The following NEGR1 variants were observed in gnomAD, a reference collection of about 807,000 sequenced individuals.
NEGR1 encodes the protein IgLON family member 4.
Under a neutral mutation model 40.9 loss-of-function variants are expected in NEGR1, and 10 were observed. That is an observed-to-expected ratio of 0.24 (90% CI 0.15 to 0.42). NEGR1 has a LOEUF of 0.42. Among genes scored for constraint, NEGR1 ranks in the 10% least tolerant of loss-of-function variants. The pLI is 1.00. For synonymous variants in NEGR1, 185 were observed against 166.8 expected (o/e 1.11, Z -0.84); for missense variants, 352 against 438.9 (o/e 0.80, Z 1.77).
intron 2 of NEGR1, among the ~76,000 whole-genome samples, chr1:71,825,280 T>C (rs1011218088): frequency 6.6e-6 from 1 of 151,964 alleles, no homozygotes; most frequent in African/African-American, 2.4e-5. Context: ...ACAAAGAAAT[T>C]AGATGTGGTT....
chr1:72,093,341 A>AAAAAAAAAAAAAAAAAAAAAAG (rs1179635064), intron 1 of NEGR1, among the ~76,000 whole-genome samples: 1 of 151,410 alleles, frequency 6.6e-6, no homozygotes, highest in African/African-American at 2.4e-5. Context: ...AAAAAAAAAA[A>AAAAAAAAAAAAAAAAAAAAAAG]AAGATGCTCA....
At chr1:72,256,722 T>C (rs1401659474) in intron 1 of NEGR1, among the ~76,000 whole-genome samples, 1 of 152,208 alleles carries the variant, frequency 6.6e-6, no homozygotes, top group Non-Finnish European at 1.5e-5. Context: ...TCAAATTTTG[T>C]TTACCTTATT....
intron 4 of NEGR1, among the ~76,000 whole-genome samples, chr1:71,681,954 G>A (rs1384018257): frequency 6.6e-6 from 1 of 152,088 alleles, no homozygotes; most frequent in Non-Finnish European, 1.5e-5. Flanking sequence ...AGCCTCTCAA[G>A]AAGCTGGGAT....
chr1:71,404,385 C>CATAATAGGAACTTAATGGT lies in NEGR1; in HGVS notation c.*3042_*3060dup, dbSNP rs1646264681. Reference sequence around the variant, plus strand: ...AGTACTTTTTATTATATAATTGCTGCATAATAGGAACTTAATGGTATAATA... The same window carrying CATAATAGGAACTTAATGGT: ...AGTACTTTTTATTATATAATTGCTGCATAATAGGAACTTAATGGTATAATAGGAACTTAATGGTATAATA... On this transcript the variant is annotated 3_prime_UTR_variant, in exon 7 of 7. Transcript: ENST00000357731. 6.6e-6 allele frequency: 1 copy of CATAATAGGAACTTAATGGT among 151,956 alleles called. No homozygotes were observed. The highest frequency in any genetic ancestry group is 2.1e-4 in the South Asian group (1 of 4,820). 9.4% of individuals were successfully genotyped at this position (151,956 alleles called of 1,614,324 possible).
At chr1:71,566,927 C>T (rs74088173) in intron 6 of NEGR1, among the ~76,000 whole-genome samples, 1,977 of 152,238 alleles carry the variant, frequency 0.013, 36 homozygotes, top group African/African-American at 0.045. Context: ...AACAAGCTCC[C>T]TCAGGCCTCT....
chr1:71,939,279 C>T (rs949125340), intron 1 of NEGR1, among the ~76,000 whole-genome samples: 1 of 152,100 alleles, frequency 6.6e-6, no homozygotes, highest in Non-Finnish European at 1.5e-5. Context: ...TCCCACACTC[C>T]CTTTATACAT....
In NEGR1 at chr1:72,092,492, C is replaced by T. The variant is rs142789302; in HGVS notation, c.177-157181G>A. Among the ~76,000 whole-genome samples, 1,178 of 152,132 alleles carry T rather than the reference C, an allele frequency of 7.7e-3. 21 individuals carry two copies. The highest frequency in any genetic ancestry group is 0.027 in the African/African-American group (1,130 of 41,488). On this transcript the variant is annotated intron_variant, in intron 1 of 6. Coordinates refer to ENST00000357731, the MANE Select transcript of NEGR1 (RefSeq NM_173808.3). Reference sequence around the variant, plus strand: ...AAACATGCCTTTAAAAATCATGTTGCCCTGTGATTTTCACTTATCTAGCAA... The same window carrying T: ...AAACATGCCTTTAAAAATCATGTTGTCCTGTGATTTTCACTTATCTAGCAA...
At chr1:72,150,737 A>G (rs879266639) in intron 1 of NEGR1, among the ~76,000 whole-genome samples, 1 of 152,158 alleles carries the variant, frequency 6.6e-6, no homozygotes, top group Non-Finnish European at 1.5e-5. Flanking sequence ...AGGTTTTTAA[A>G]ATATGCACAT....
intron 2 of NEGR1, among the ~76,000 whole-genome samples, chr1:71,899,837 TTTC>T (rs1476988642): frequency 6.6e-6 from 1 of 152,186 alleles, no homozygotes; most frequent in African/African-American, 2.4e-5. Context: ...GAACCATTGT[TTTC>T]TTCACCAAGT....
At chr1:71,855,101 CA>C (rs1157669956) in intron 2 of NEGR1, among the ~76,000 whole-genome samples, 8 of 152,180 alleles carry the variant, frequency 5.3e-5, no homozygotes, top group African/African-American at 1.9e-4. Context: ...AAATACTCCC[CA>C]AACAGTATCA....
At chr1:71,482,557 T>C (rs1025268766) in intron 6 of NEGR1, among the ~76,000 whole-genome samples, 1 of 151,922 alleles carries the variant, frequency 6.6e-6, no homozygotes, top group African/African-American at 2.4e-5. Context: ...TTTCCATTTT[T>C]AATTCTCATT....
chr1:71,502,302 T>G (rs1411172869), intron 6 of NEGR1, among the ~76,000 whole-genome samples: 1 of 152,098 alleles, frequency 6.6e-6, no homozygotes, highest in East Asian at 1.9e-4. Flanking sequence ...ATAATGAAAC[T>G]TAGGCAACGT....
intron 2 of NEGR1, among the ~76,000 whole-genome samples, chr1:71,780,965 CCTT>C (rs1220130668): frequency 6.6e-6 from 1 of 152,170 alleles, no homozygotes; most frequent in Non-Finnish European, 1.5e-5. Context: ...ATTCTAATGA[CCTT>C]CACACAGGCT....
chr1:71,599,943 C>T (rs1436760395), intron 5 of NEGR1, among the ~76,000 whole-genome samples: 1 of 152,100 alleles, frequency 6.6e-6, no homozygotes, highest in Non-Finnish European at 1.5e-5. Flanking sequence ...GGATTTCTCC[C>T]CACCACTTGA....
intron 1 of NEGR1, among the ~76,000 whole-genome samples, chr1:72,152,407 A>C (rs1198035480): frequency 1.3e-5 from 2 of 151,998 alleles, no homozygotes; most frequent in Non-Finnish European, 2.9e-5. Flanking sequence ...AAGAAATACA[A>C]ATCAAAACCA....
chr1:71,702,006 T>C (rs1456608636), intron 3 of NEGR1, among the ~76,000 whole-genome samples: 2 of 151,984 alleles, frequency 1.3e-5, no homozygotes, highest in African/African-American at 4.8e-5. Flanking sequence ...TATGGATAGA[T>C]GAAATTATGG....
intron 1 of NEGR1, among the ~76,000 whole-genome samples, chr1:71,958,529 T>A (rs1207317380): frequency 2.6e-5 from 4 of 152,176 alleles, no homozygotes; most frequent in Non-Finnish European, 5.9e-5. Flanking sequence ...TAATACTGAT[T>A]TATTATTTTT....
At chr1:71,761,961 A>G (rs1655959746) in intron 3 of NEGR1, among the ~76,000 whole-genome samples, 1 of 152,086 alleles carries the variant, frequency 6.6e-6, no homozygotes, top group Admixed American at 6.5e-5. Context: ...GTTAAAAACT[A>G]TAGTACATTA....
chr1:71,431,931 A>G (rs181335140), intron 6 of NEGR1, among the ~76,000 whole-genome samples: 77 of 152,334 alleles, frequency 5.1e-4, no homozygotes, highest in African/African-American at 1.7e-3. Context: ...TGTGGTAGGC[A>G]GAGACCTGGT....
Sources: allele counts gnomAD v4.1 joint callset (sites outside exome capture counted in the v4.1 genomes callset), GRCh38; gene constraint gnomAD v4.1.1; transcripts MANE v1.5; gene names NCBI Gene and HGNC (gene_info 2026-07-23, HGNC 2026-07-21).